PCDHA2: variants seen among roughly 807,000 people sequenced by gnomAD.
PCDHA2 encodes protocadherin alpha-2.
Under a neutral mutation model 66.0 loss-of-function variants are expected in PCDHA2, and 58 were observed. The observed-to-expected ratio is 0.88, with a 90% CI of 0.71 to 1.09. The LOEUF is 1.09. Among genes scored for constraint, PCDHA2 ranks in the 50% least tolerant of loss-of-function variants. PCDHA2 has a pLI of 0.00. For synonymous variants in PCDHA2, 634 were observed against 554.0 expected (o/e 1.14, Z -2.03); for missense variants, 1,267 against 1,242.3 (o/e 1.02, Z -0.30).
chr5:140,938,650 A>G (rs184257234), intron 1 of PCDHA2, among the ~76,000 whole-genome samples: 3 of 152,214 alleles, frequency 2.0e-5, no homozygotes, highest in Non-Finnish European at 2.9e-5. Flanking sequence ...ATCCTTCTTT[A>G]TATCATTAGA....
At position 140,834,165 on chromosome 5, in the gene PCDHA2, C is replaced by CT. The variant is rs2150213929; in HGVS notation, c.2388+36815dup. 4.2e-4 allele frequency: 228 copies of CT among 543,158 alleles called. No individual in the cohort carries two copies. In the Middle Eastern group the frequency reaches 4.3e-3, roughly 10 times the overall value. 33.6% of individuals were successfully genotyped at this position (543,158 alleles called of 1,614,324 possible). On this transcript the variant is annotated intron_variant, in intron 1 of 3. Coordinates refer to ENST00000526136, the MANE Select transcript of PCDHA2 (RefSeq NM_018905.3). ...AGTTTGTAATGGTTTGTAATTCTTA[C>CT]TTACATGATGGCCACATGATGTCGC...
In PCDHA2 at chr5:140,802,923, G is replaced by T. The variant is rs782417048; in HGVS notation, c.2388+5571G>T. On this transcript the variant is annotated intron_variant, in intron 1 of 3. Coordinates refer to ENST00000526136, the MANE Select transcript of PCDHA2 (RefSeq NM_018905.3). The stretch of plus-strand genomic sequence containing the variant: ...GCCTCGGGTGGGTGGCATCGGTGGC[G>T]CAGTGAGCGAGCTGGTGCCGCGGTC... 18 of 1,613,664 alleles carry T rather than the reference G, an allele frequency of 1.1e-5. No individual in the cohort carries two copies. Among genetic ancestry groups the T allele is most frequent in the Admixed American group, 3.3e-5 (2 of 59,990 alleles).
At chr5:140,843,026 C>T in intron 1 of PCDHA2, 2 of 1,595,146 alleles carry the variant, frequency 1.3e-6, no homozygotes, top group Non-Finnish European at 1.7e-6. Context: ...GCTGGAGCCT[C>T]GGGTGGGTGG....
In PCDHA2 at chr5:140,842,631, C is replaced by G; in HGVS notation, c.2388+45279C>G. 4 of 1,595,224 alleles carry G rather than the reference C, an allele frequency of 2.5e-6. 2 individuals are homozygous for G. The South Asian group carries it at 4.4e-5, about 18-fold the overall frequency. ...GACGGGGGCTCGCCTTCGCTGTGGG[C>G]CACCGCCAGCTTGTCTGTGGAGGTG... On this transcript the variant is annotated intron_variant, in intron 1 of 3. Transcript: ENST00000526136.
chr5:140,977,564 A>G (rs2096766034), intron 1 of PCDHA2, among the ~76,000 whole-genome samples: 1 of 152,178 alleles, frequency 6.6e-6, no homozygotes, highest in African/African-American at 2.4e-5. Flanking sequence ...TTGCTAGCAG[A>G]TTGGTAGAAT....
intron 1 of PCDHA2, chr5:140,969,086 G>A: frequency 6.2e-7 from 1 of 1,614,190 alleles, no homozygotes; most frequent in Non-Finnish European, 8.5e-7. Context: ...TGGCCTCAAA[G>A]TGCAGCCTCA....
intron 1 of PCDHA2, chr5:140,834,252 A>G (rs1772864015): frequency 7.6e-6 from 7 of 916,288 alleles, no homozygotes; most frequent in Non-Finnish European, 1.2e-5. Context: ...CACTGGAAAG[A>G]CGCTCCACTC....
intron 1 of PCDHA2, among the ~76,000 whole-genome samples, chr5:140,943,783 C>A (rs1388163068): frequency 1.3e-5 from 2 of 152,102 alleles, no homozygotes; most frequent in Non-Finnish European, 2.9e-5. Context: ...AGGAAGTGGT[C>A]CTTTATGCAA....
intron 1 of PCDHA2, chr5:140,868,276 C>T (rs2050375719): frequency 6.6e-6 from 1 of 151,768 alleles, no homozygotes; most frequent in African/African-American, 2.4e-5. Flanking sequence ...TTTAAAACTA[C>T]CAAGTTTGAG....
chr5:140,870,190 C>T (rs1554163883), intron 1 of PCDHA2: 15 of 1,614,174 alleles, frequency 9.3e-6, no homozygotes, highest in Non-Finnish European at 1.1e-5. Flanking sequence ...AGAGGACGCT[C>T]AGCCCAGCAC....
At chr5:140,937,228 G>A (rs920892612) in intron 1 of PCDHA2, among the ~76,000 whole-genome samples, 1 of 151,718 alleles carries the variant, frequency 6.6e-6, no homozygotes, top group Admixed American at 6.6e-5. Context: ...TTGTAGAGAC[G>A]GGGTTTCACC....
intron 1 of PCDHA2, chr5:140,811,328 G>A (rs1764840045): frequency 6.6e-6 from 1 of 152,164 alleles, no homozygotes; most frequent in South Asian, 2.1e-4. Flanking sequence ...TCTCTACAAA[G>A]GACATGAACT....
chr5:140,857,081 A>G, intron 1 of PCDHA2: 1 of 1,597,048 alleles, frequency 6.3e-7, no homozygotes, highest in African/African-American at 1.3e-5. Context: ...TGAAAATGAT[A>G]ATTCACCTGA....
intron 1 of PCDHA2, among the ~76,000 whole-genome samples, chr5:140,831,411 G>A (rs1771518698): frequency 6.6e-6 from 1 of 151,592 alleles, no homozygotes; most frequent in South Asian, 2.1e-4. Context: ...CCATGCTGGA[G>A]TACAGTGGTG....
At chr5:140,866,463 T>C (rs1372484700) in intron 1 of PCDHA2, 1 of 152,128 alleles carries the variant, frequency 6.6e-6, no homozygotes, top group Non-Finnish European at 1.5e-5. Flanking sequence ...GCTGGGAAGC[T>C]CATAACAACT....
chr5:140,843,262 G>T (rs2150356218), intron 1 of PCDHA2: 4 of 1,596,090 alleles, frequency 2.5e-6, no homozygotes, highest in Admixed American at 1.7e-5. Flanking sequence ...GCCACCGTCT[G>T]CTGGTCCTGG....
intron 1 of PCDHA2, among the ~76,000 whole-genome samples, chr5:140,898,621 C>T (rs1356286726): frequency 8.5e-5 from 13 of 152,312 alleles, no homozygotes; most frequent in African/African-American, 2.6e-4. Flanking sequence ...AGTCAGGTAG[C>T]ATAATGCCTC....
intron 1 of PCDHA2, chr5:140,802,334 A>C (rs1581650100): frequency 6.2e-7 from 1 of 1,614,250 alleles, no homozygotes. Flanking sequence ...ACCGCGACTC[A>C]GGAGTCAATG....
At chr5:140,928,760 T>G (rs782568767) in intron 1 of PCDHA2, 6 of 1,614,060 alleles carry the variant, frequency 3.7e-6, no homozygotes, top group Non-Finnish European at 5.1e-6. Flanking sequence ...ACTGCTCGCT[T>G]AGTTCTTCCC....
Sources: gnomAD v4.1 joint callset for allele counts (sites outside exome capture counted in the v4.1 genomes callset) on GRCh38, gnomAD v4.1.1 for gene constraint, MANE v1.5 for transcripts, NCBI Gene and HGNC (gene_info 2026-07-23, HGNC 2026-07-21) for gene names.